The following PCSK2 variants were observed in gnomAD, a reference collection of about 807,000 sequenced individuals.
PCSK2 encodes proprotein convertase subtilisin/kexin type 2.
A neutral mutation model predicts 69.7 loss-of-function variants in PCSK2; 14 were observed. The ratio of observed to expected loss-of-function variants is 0.20; its 90% confidence interval spans 0.13 to 0.31. The LOEUF (loss-of-function observed/expected upper bound fraction) is 0.31. Ranked by LOEUF, PCSK2 falls within the 10% of genes least tolerant of loss-of-function variation. The pLI, the probability that PCSK2 is intolerant of heterozygous loss-of-function variation, is 1.00. For missense variants in PCSK2, 544 were observed against 842.5 expected, an observed-to-expected ratio of 0.65 and a Z score of 4.39; for synonymous variants, 307 against 320.7, an observed-to-expected ratio of 0.96 and a Z score of 0.46.
intron 8 of PCSK2, among the ~76,000 whole-genome samples, chr20:17,445,851 C>T (rs1326165904): frequency 6.6e-6 from 1 of 152,244 alleles, no homozygotes; most frequent in African/African-American, 2.4e-5. Context: ...CAGCTGGTGC[C>T]GTTACCGTCC....
chr20:17,253,827 C>T (rs747616016), intron 1 of PCSK2, among the ~76,000 whole-genome samples: 4 of 152,176 alleles, frequency 2.6e-5, no homozygotes, highest in African/African-American at 4.8e-5. Context: ...ATCCCACCAA[C>T]AGTGTATGAG....
In PCSK2 at chr20:17,453,734, C is replaced by T; in HGVS notation, c.886-8C>T. 4.3e-6 allele frequency: 7 copies of T among 1,612,284 alleles called. No individual in the cohort carries two copies. The highest frequency in any genetic ancestry group is 4.2e-6 in the Non-Finnish European group (5 of 1,179,780). On this transcript the variant is annotated splice_region_variant and splice_polypyrimidine_tract_variant and intron_variant, in intron 8 of 11. Coordinates refer to ENST00000262545, the MANE Select transcript of PCSK2 (RefSeq NM_002594.5). The surrounding 1 kb of genome is among the most constrained non-coding windows in gnomAD (Gnocchi z 4.0). The stretch of plus-strand genomic sequence containing the variant: ...GGGTAGCGGCAGCGTCTCCCCTGCT[C>T]TCCCCAGGGCCGCGGCGGCAAAGGC...
intron 1 of PCSK2, among the ~76,000 whole-genome samples, chr20:17,257,524 A>C (rs568687675): frequency 6.6e-6 from 1 of 152,222 alleles, no homozygotes; most frequent in South Asian, 2.1e-4. Context: ...CTAATTCTAT[A>C]AAGTCTGTAA....
intron 7 of PCSK2, among the ~76,000 whole-genome samples, chr20:17,432,477 A>T (rs773560688): frequency 6.6e-6 from 1 of 152,178 alleles, no homozygotes; most frequent in Admixed American, 6.5e-5. Context: ...AATTGTATAA[A>T]TTTTGAAGAA....
chr20:17,350,635 T>C (rs1379255990), intron 2 of PCSK2, among the ~76,000 whole-genome samples: 2 of 152,154 alleles, frequency 1.3e-5, no homozygotes, highest in African/African-American at 4.8e-5. Context: ...TAGTCGAAAG[T>C]TCATAGCATT....
intron 2 of PCSK2, among the ~76,000 whole-genome samples, chr20:17,292,033 A>G (rs2123067628): frequency 6.6e-6 from 1 of 152,344 alleles, no homozygotes; most frequent in South Asian, 2.1e-4. Flanking sequence ...ATTGGGAAGT[A>G]TAATTTTGTG....
chr20:17,314,859 C>G (rs1393329549), intron 2 of PCSK2, among the ~76,000 whole-genome samples: 4 of 152,152 alleles, frequency 2.6e-5, no homozygotes, highest in African/African-American at 7.2e-5. Context: ...AAGTGTGACT[C>G]CTTTCATGCT....
At chr20:17,464,385 G>GAACA (rs5840769) in intron 10 of PCSK2, 62,433 of 151,808 alleles carry the variant, frequency 0.41, 13,106 homozygotes, top group African/African-American at 0.5. Context: ...TTTATTCACT[G>GAACA]AACAATGTGC....
intron 2 of PCSK2, among the ~76,000 whole-genome samples, chr20:17,290,324 T>C (rs1176805487): frequency 6.6e-6 from 1 of 152,212 alleles, no homozygotes; most frequent in African/African-American, 2.4e-5. Flanking sequence ...TAAGGATCTG[T>C]ATGATCCCAT....
At chr20:17,276,083 A>G (rs1366447767) in intron 2 of PCSK2, among the ~76,000 whole-genome samples, 1 of 152,170 alleles carries the variant, frequency 6.6e-6, no homozygotes, top group Admixed American at 6.6e-5. Flanking sequence ...TTACATGGTG[A>G]CTGATACTGA....
chr20:17,378,276 C>T (rs575722616), intron 5 of PCSK2, among the ~76,000 whole-genome samples: 16 of 149,976 alleles, frequency 1.1e-4, no homozygotes, highest in African/African-American at 2.7e-4. Flanking sequence ...TTTCTTGGGT[C>T]GATACAGCAT....
chr20:17,263,590 C>T (rs978585634), intron 2 of PCSK2, among the ~76,000 whole-genome samples: 2 of 152,134 alleles, frequency 1.3e-5, no homozygotes, highest in African/African-American at 2.4e-5. Flanking sequence ...TATTTTCCTC[C>T]GTATCCCAAA....
chr20:17,289,882 G>A lies in PCSK2; in HGVS notation c.282+29538G>A, dbSNP rs375807000. 1.2e-4 allele frequency among the ~76,000 whole-genome samples: 19 copies of A among 152,170 alleles called. No homozygotes were observed. The East Asian group carries it at 1.5e-3, about 12-fold the overall frequency. On this transcript the variant is annotated intron_variant, in intron 2 of 11. Coordinates refer to ENST00000262545, the MANE Select transcript of PCSK2 (RefSeq NM_002594.5). ...ATTTCTAATTTTTTGTAGTAAATGA[G>A]ATTCAAAAAACAGTGTCAAAATAAA...
chr20:17,456,611 C>A (rs184041184), intron 10 of PCSK2, among the ~76,000 whole-genome samples, 163 bp downstream of exon 10: 9 of 152,328 alleles, frequency 5.9e-5, no homozygotes, highest in Admixed American at 1.3e-4. Context: ...GCCCATGTGC[C>A]CACCAGCACA....
intron 2 of PCSK2, among the ~76,000 whole-genome samples, chr20:17,266,309 G>A (rs1297072344): frequency 6.6e-6 from 1 of 152,144 alleles, no homozygotes; most frequent in South Asian, 2.1e-4. Context: ...TTCTGGGGGT[G>A]AGCCTGTAGC....
chr20:17,287,217 G>A lies in PCSK2; in HGVS notation c.282+26873G>A, dbSNP rs183565662. On this transcript the variant is annotated intron_variant, in intron 2 of 11. Coordinates refer to ENST00000262545, the MANE Select transcript of PCSK2 (RefSeq NM_002594.5). ...GTGTTTGACCAAACATCTGAGCCTC[G>A]TGGCCTAGCCCAGTTGACACATAAA... Among the ~76,000 whole-genome samples the A allele has an allele frequency of 3.9e-5, 6 of 152,062 alleles. No homozygotes were observed. In the East Asian group the frequency reaches 7.7e-4, roughly 20 times the overall value.
chr20:17,429,024 A>T (rs2032308584), intron 6 of PCSK2, among the ~76,000 whole-genome samples: 1 of 148,070 alleles, frequency 6.8e-6, no homozygotes, highest in Admixed American at 6.8e-5. Flanking sequence ...AAAAAAAAAA[A>T]AAAAAGAATA....
intron 6 of PCSK2, among the ~76,000 whole-genome samples, chr20:17,410,849 G>A (rs955978508): frequency 6.6e-6 from 1 of 152,170 alleles, no homozygotes. Flanking sequence ...GCCATGAGAG[G>A]GTCTGGCTTC....
intron 7 of PCSK2, 33 bp downstream of exon 7, chr20:17,429,556 T>C (rs1429699848): frequency 7.1e-7 from 1 of 1,399,848 alleles, no homozygotes; most frequent in Non-Finnish European, 1.0e-6. Context: ...AGGCCCCCAC[T>C]AGGTATCACA....
Sources: gnomAD v4.1 joint callset for allele counts (sites outside exome capture counted in the v4.1 genomes callset) on GRCh38, gnomAD v4.1.1 for gene constraint, Gnocchi (gnomAD v3.1) non-coding constraint, MANE v1.5 for transcripts, NCBI Gene and HGNC (gene_info 2026-07-23, HGNC 2026-07-21) for gene names.